C12orf76: variants seen among roughly 807,000 people sequenced by gnomAD.
The protein encoded by C12orf76 is uncharacterized protein C12orf76.
A neutral mutation model predicts 6.8 loss-of-function variants in C12orf76; 6 were observed. The ratio of observed to expected loss-of-function variants is 0.88; its 90% CI spans 0.48 to 1.73. The LOEUF is 1.73. Ranked by LOEUF, C12orf76 falls within the 40% of genes most tolerant of loss-of-function variation. The probability of loss-of-function intolerance (pLI) is 0.01; values close to 1 mark genes in which losing one functional copy is unlikely to be tolerated. For synonymous variants in C12orf76, 56 were observed against 43.7 expected, an observed-to-expected ratio of 1.28 and a Z score of -1.11; for missense variants, 99 against 98.2, an observed-to-expected ratio of 1.01 and a Z score of -0.03.
chr12:110,053,629 C>T (rs1428027628), upstream of C12orf76, among the ~76,000 whole-genome samples: 1 of 152,180 alleles, frequency 6.6e-6, no homozygotes, highest in Non-Finnish European at 1.5e-5. Context: ...TTCCTCATGA[C>T]CCAGCAATAA....
intron 1 of C12orf76, among the ~76,000 whole-genome samples, chr12:110,046,345 G>A (rs924387730): frequency 6.6e-6 from 1 of 152,190 alleles, no homozygotes; most frequent in Non-Finnish European, 1.5e-5. Context: ...ATAATTGCTC[G>A]AACCCAGGAG....
chr12:110,060,759 G>A (rs956446651), intron 2 of C12orf76, among the ~76,000 whole-genome samples: 8 of 151,968 alleles, frequency 5.3e-5, no homozygotes, highest in African/African-American at 1.9e-4. Context: ...TCTCAGGCCA[G>A]GCGCAGTGGT....
upstream of C12orf76, among the ~76,000 whole-genome samples, chr12:110,072,496 GTT>G (rs1218170192): frequency 1.4e-5 from 2 of 145,432 alleles, no homozygotes; most frequent in Admixed American, 6.9e-5. Flanking sequence ...GGTTTTTTTT[GTT>G]TTTTTTTTGA....
chr12:110,062,210 G>T (rs1892782789), intron 2 of C12orf76, among the ~76,000 whole-genome samples: 2 of 152,162 alleles, frequency 1.3e-5, no homozygotes, highest in Admixed American at 1.3e-4. Context: ...GTTGCAGTGA[G>T]CCAAGATCGT....
At chr12:110,045,129 C>T (rs1892416137) in intron 1 of C12orf76, among the ~76,000 whole-genome samples, 1 of 152,200 alleles carries the variant, frequency 6.6e-6, no homozygotes, top group African/African-American at 2.4e-5. Context: ...CCTACGTGAA[C>T]TAAATGTCAT....
chr12:110,053,857 G>T (rs1274374714), upstream of C12orf76, among the ~76,000 whole-genome samples: 1 of 152,018 alleles, frequency 6.6e-6, no homozygotes, highest in Non-Finnish European at 1.5e-5. Context: ...GCTGAAGCAG[G>T]GGAATTGCTT....
At chr12:110,065,956 T>G in exon 2 of C12orf76, 1 of 1,613,734 alleles carries the variant, frequency 6.2e-7, no homozygotes, top group Non-Finnish European at 8.5e-7. Flanking sequence ...GTGGCTGGAT[T>G]CTTCTCCTTC....
chr12:110,070,963 C>T (rs566087750), upstream of C12orf76, among the ~76,000 whole-genome samples: 3 of 152,208 alleles, frequency 2.0e-5, no homozygotes, highest in South Asian at 2.1e-4. Context: ...TTAGTAAAGA[C>T]GGAGTTCCAC....
chr12:110,068,579 G>T (rs1054388241), upstream of C12orf76, among the ~76,000 whole-genome samples: 1 of 152,190 alleles, frequency 6.6e-6, no homozygotes, highest in Non-Finnish European at 1.5e-5. Context: ...AACCTGCAAC[G>T]CTAACTCCTC....
At chr12:110,046,357 C>T (rs1361498642) in intron 1 of C12orf76, among the ~76,000 whole-genome samples, 1 of 152,178 alleles carries the variant, frequency 6.6e-6, no homozygotes, top group African/African-American at 2.4e-5. Flanking sequence ...ACCCAGGAGG[C>T]GGAGGCTGCA....
chr12:110,043,921 C>T (rs60485763), intron 1 of C12orf76, among the ~76,000 whole-genome samples: 4,015 of 150,558 alleles, frequency 0.027, 123 homozygotes, highest in African/African-American at 0.07. Context: ...CTGAAATTTT[C>T]AAGGTGCTCA....
upstream of C12orf76, among the ~76,000 whole-genome samples, chr12:110,069,542 G>T (rs1054998796): frequency 6.6e-6 from 1 of 152,188 alleles, no homozygotes; most frequent in African/African-American, 2.4e-5. Flanking sequence ...TTCCCAGTGG[G>T]TCCACTGGAG....
At chr12:110,042,508 A>G (rs994906700) in intron 1 of C12orf76, 49 bp from the exon 2 acceptor site, 1 of 1,230,540 alleles carries the variant, frequency 8.1e-7, no homozygotes, top group Non-Finnish European at 1.2e-6. Context: ...CAGGTTAGGC[A>G]ATTCATCCAC....
At chr12:110,068,929 A>G (rs566864571), upstream of C12orf76, among the ~76,000 whole-genome samples, 12 of 152,354 alleles carry the variant, frequency 7.9e-5, no homozygotes, top group South Asian at 2.5e-3. Context: ...AGTCATGGTT[A>G]CATAAACTTA....
chr12:110,043,098 C>T (rs998212037), intron 1 of C12orf76, among the ~76,000 whole-genome samples: 1 of 151,784 alleles, frequency 6.6e-6, no homozygotes, highest in African/African-American at 2.4e-5. Flanking sequence ...AAAACTGAGA[C>T]CTTACGAGTG....
upstream of C12orf76, among the ~76,000 whole-genome samples, chr12:110,068,310 GAAGAAGAAGAAGAAGAAGA>G (rs1566080231): frequency 1.2e-4 from 18 of 145,924 alleles, no homozygotes; most frequent in African/African-American, 4.0e-4. Flanking sequence ...AGAAGAAGAA[GAAGAAGAAGAAGAAGAAGA>G]AGGCGGCCAA....
intron 3 of C12orf76, among the ~76,000 whole-genome samples, chr12:110,058,065 C>CAAAAAAA (rs59838926): frequency 7.6e-5 from 4 of 52,662 alleles, no homozygotes; most frequent in Non-Finnish European, 1.4e-4. Context: ...GACTCGGTCT[C>CAAAAAAA]AAAAAAAAAA....
intron 3 of C12orf76, among the ~76,000 whole-genome samples, chr12:110,058,434 C>G (rs1418974400): frequency 6.6e-6 from 1 of 152,102 alleles, no homozygotes. Flanking sequence ...GAGGCCAAGG[C>G]GGGCAGATCA....
chr12:110,043,029 G>T (rs527574577), intron 1 of C12orf76, among the ~76,000 whole-genome samples: 1 of 151,754 alleles, frequency 6.6e-6, no homozygotes, highest in Admixed American at 6.6e-5. Flanking sequence ...ACAGTGAGCC[G>T]AGATTGCGCC....
Sources: gnomAD v4.1 joint callset for allele counts (sites outside exome capture counted in the v4.1 genomes callset) on GRCh38, gnomAD v4.1.1 for gene constraint, MANE v1.5 for transcripts, NCBI Gene and HGNC (gene_info 2026-07-23, HGNC 2026-07-21) for gene names.